The following CDH13 variants were observed in gnomAD, a reference collection of about 807,000 sequenced individuals.
CDH13 encodes cadherin 13, also known as cadherin-13.
In CDH13, 24 loss-of-function variants were observed where a neutral mutation model predicts 63.8. That is an observed-to-expected ratio of 0.38 (90% CI 0.27 to 0.53). CDH13 has a LOEUF of 0.53. Among genes scored for constraint, CDH13 ranks in the 20% least tolerant of loss-of-function variants. The pLI is 0.85. For synonymous variants in CDH13, 503 were observed against 355.3 expected (o/e 1.42, Z -4.67); for missense variants, 1,049 against 903.1 (o/e 1.16, Z -2.07).
chr16:83,128,190 G>C (rs2035894629), intron 4 of CDH13, among the ~76,000 whole-genome samples: 1 of 152,204 alleles, frequency 6.6e-6, no homozygotes, highest in African/African-American at 2.4e-5. Context: ...CTGGGGTGGG[G>C]GTGAGGACCA....
At chr16:83,555,266 A>G (rs373444529) in intron 7 of CDH13, among the ~76,000 whole-genome samples, 3 of 152,066 alleles carry the variant, frequency 2.0e-5, no homozygotes, top group South Asian at 4.1e-4. Context: ...GCATAGGGGT[A>G]TCTTAGAACC....
intron 1 of CDH13, among the ~76,000 whole-genome samples, chr16:82,815,371 A>G (rs1425096112): frequency 6.6e-6 from 1 of 152,102 alleles, no homozygotes; most frequent in Non-Finnish European, 1.5e-5. Context: ...GGAGACGATA[A>G]TGGTACACAA....
At chr16:83,121,806 C>T (rs1184530199) in intron 3 of CDH13, among the ~76,000 whole-genome samples, 6 of 152,130 alleles carry the variant, frequency 3.9e-5, no homozygotes, top group Admixed American at 6.6e-5. Flanking sequence ...ATAAAGCTCT[C>T]GATAAATGAA....
In CDH13 at chr16:83,294,683, A is replaced by G. The variant is rs572760690; in HGVS notation, c.637-50179A>G. Among the ~76,000 whole-genome samples the G allele has an allele frequency of 2.0e-5, 3 of 152,130 alleles. No homozygotes were observed. The South Asian group carries it at 6.2e-4, about 32-fold the overall frequency. On this transcript the variant is annotated intron_variant, in intron 5 of 13. Coordinates refer to ENST00000567109, the MANE Select transcript of CDH13 (RefSeq NM_001257.5). ...GGAACAAATTGAACAAGGGAAGTGA[A>G]TGATCTTTACACTGAAAACTATAAA...
intron 1 of CDH13, among the ~76,000 whole-genome samples, chr16:82,839,763 C>G (rs1483506816): frequency 2.0e-5 from 3 of 152,190 alleles, no homozygotes; most frequent in South Asian, 4.1e-4. Flanking sequence ...GTCCCCCAGC[C>G]TACTGTAGAG....
chr16:83,220,643 A>G (rs2039669305), intron 5 of CDH13, among the ~76,000 whole-genome samples: 1 of 140,750 alleles, frequency 7.1e-6, no homozygotes, highest in African/African-American at 2.6e-5. Context: ...TAAAAATAGA[A>G]AAACAGAGCA....
chr16:83,420,696 A>G (rs1018509912), intron 6 of CDH13, among the ~76,000 whole-genome samples: 1 of 152,240 alleles, frequency 6.6e-6, no homozygotes. Flanking sequence ...AAGTCCCACT[A>G]TAGGCCATCT....
At chr16:83,733,873 A>G (rs1911282735) in intron 10 of CDH13, among the ~76,000 whole-genome samples, 1 of 152,200 alleles carries the variant, frequency 6.6e-6, no homozygotes, top group Non-Finnish European at 1.5e-5. Flanking sequence ...CAAAAGTGGA[A>G]CGTGACCTGC....
chr16:83,328,218 G>C (rs987449911), intron 5 of CDH13, among the ~76,000 whole-genome samples: 1 of 152,068 alleles, frequency 6.6e-6, no homozygotes, highest in Non-Finnish European at 1.5e-5. Flanking sequence ...GAATGGCAGA[G>C]GGATTTATAT....
intron 5 of CDH13, among the ~76,000 whole-genome samples, chr16:83,318,601 A>T (rs1255668409): frequency 6.6e-6 from 1 of 152,180 alleles, no homozygotes; most frequent in Non-Finnish European, 1.5e-5. Context: ...TCTCTGTGGC[A>T]CGTTGATGCC....
intron 1 of CDH13, among the ~76,000 whole-genome samples, chr16:82,740,948 GT>G (rs1555509019): frequency 1.3e-5 from 2 of 152,058 alleles, no homozygotes; most frequent in Admixed American, 6.5e-5. Flanking sequence ...TTTAAAAGGG[GT>G]TACCTCCTTC....
At chr16:82,843,038 C>T (rs546957761) in intron 1 of CDH13, among the ~76,000 whole-genome samples, 27 of 152,262 alleles carry the variant, frequency 1.8e-4, no homozygotes, top group African/African-American at 4.8e-4. Context: ...CTATGTGGTC[C>T]GGTTCCTAAA....
At chr16:82,820,286 C>A (rs1374717581) in intron 1 of CDH13, among the ~76,000 whole-genome samples, 1 of 152,092 alleles carries the variant, frequency 6.6e-6, no homozygotes, top group South Asian at 2.1e-4. Context: ...ACTGAGTACA[C>A]GTTTACGTTG....
At chr16:82,934,707 T>C (rs1041076931) in intron 2 of CDH13, among the ~76,000 whole-genome samples, 1 of 152,156 alleles carries the variant, frequency 6.6e-6, no homozygotes, top group Admixed American at 6.5e-5. Context: ...CTCTCAGGTT[T>C]AAGTTCCACA....
intron 5 of CDH13, among the ~76,000 whole-genome samples, chr16:83,236,236 T>TACAC (rs1567528496): frequency 5.5e-5 from 1 of 18,036 alleles, no homozygotes; most frequent in African/African-American, 1.9e-4. Context: ...CACACGCACA[T>TACAC]GCACACACAC....
chr16:82,821,649 A>G (rs754833455), intron 1 of CDH13, among the ~76,000 whole-genome samples: 9 of 152,234 alleles, frequency 5.9e-5, no homozygotes, highest in Non-Finnish European at 1.3e-4. Context: ...TGTCTCAACT[A>G]CAAACATGAA....
At chr16:83,437,749 T>C (rs1156828502) in intron 6 of CDH13, among the ~76,000 whole-genome samples, 1 of 152,142 alleles carries the variant, frequency 6.6e-6, no homozygotes, top group African/African-American at 2.4e-5. Context: ...ATAACATTCT[T>C]GACTGCCCTT....
chr16:83,385,938 C>T (rs889714), intron 6 of CDH13, among the ~76,000 whole-genome samples: 14,148 of 152,226 alleles, frequency 0.093, 907 homozygotes, highest in Non-Finnish European at 0.13. Flanking sequence ...TGTAGTTTAT[C>T]ATAGTGCTGT....
intron 8 of CDH13, among the ~76,000 whole-genome samples, chr16:83,637,128 A>G (rs1233964841): frequency 6.6e-6 from 1 of 152,194 alleles, no homozygotes; most frequent in East Asian, 1.9e-4. Context: ...CATTTTAAAT[A>G]CAGTTTGAAC....
Sources: allele counts gnomAD v4.1 joint callset (sites outside exome capture counted in the v4.1 genomes callset), GRCh38; gene constraint gnomAD v4.1.1; transcripts MANE v1.5; gene names NCBI Gene and HGNC (gene_info 2026-07-23, HGNC 2026-07-21).